CDKAL1: variants seen among roughly 807,000 people sequenced by gnomAD.
CDKAL1 encodes threonylcarbamoyladenosine tRNA methylthiotransferase.
Under a neutral mutation model 68.2 loss-of-function variants are expected in CDKAL1, and 32 were observed. The ratio of observed to expected loss-of-function variants is 0.47; its 90% CI spans 0.35 to 0.63. The LOEUF is 0.63. CDKAL1 is among the 30% of genes least tolerant of loss of function. The pLI is 0.00. For missense variants in CDKAL1, 606 were observed against 696.7 expected, an observed-to-expected ratio of 0.87 and a Z score of 1.47; for synonymous variants, 234 against 244.3, an observed-to-expected ratio of 0.96 and a Z score of 0.39.
intron 9 of CDKAL1, among the ~76,000 whole-genome samples, chr6:20,944,454 C>T (rs1764138973): frequency 2.6e-5 from 4 of 152,232 alleles, no homozygotes; most frequent in Admixed American, 2.6e-4. Flanking sequence ...TCAAGTGATT[C>T]TCCTGCCTCA....
chr6:20,724,089 C>T (rs143081873), intron 5 of CDKAL1, among the ~76,000 whole-genome samples: 32 of 152,266 alleles, frequency 2.1e-4, no homozygotes, highest in African/African-American at 7.7e-4. Flanking sequence ...TGTGCCACCA[C>T]ACCTGGATAC....
intron 13 of CDKAL1, among the ~76,000 whole-genome samples, chr6:21,118,582 A>G (rs1207323915): frequency 1.3e-5 from 2 of 152,244 alleles, no homozygotes; most frequent in Non-Finnish European, 2.9e-5. Context: ...TTTAGAAGAC[A>G]TGATTACAGT....
intron 8 of CDKAL1, among the ~76,000 whole-genome samples, chr6:20,812,860 C>A (rs1006131307): frequency 3.3e-5 from 5 of 152,154 alleles, no homozygotes; most frequent in African/African-American, 9.6e-5. Context: ...ATTTGTGAAT[C>A]TTTCTGTGGA....
chr6:20,802,315 C>CAACAATAAT (rs1554123488), intron 8 of CDKAL1, among the ~76,000 whole-genome samples: 9 of 115,502 alleles, frequency 7.8e-5, no homozygotes, highest in South Asian at 2.8e-4. Flanking sequence ...ACAACAACAA[C>CAACAATAAT]AATAATAATA....
At chr6:20,738,970 A>C (rs1448547497) in intron 5 of CDKAL1, among the ~76,000 whole-genome samples, 2 of 152,232 alleles carry the variant, frequency 1.3e-5, no homozygotes, top group Non-Finnish European at 2.9e-5. Context: ...TGTGTCTGGA[A>C]GTAAGCATAT....
chr6:20,749,540 C>CT (rs113735701), intron 6 of CDKAL1, among the ~76,000 whole-genome samples: 1 of 151,428 alleles, frequency 6.6e-6, no homozygotes, highest in South Asian at 2.1e-4. Flanking sequence ...CCCAGATTTT[C>CT]TTTTTTTTCT....
intron 9 of CDKAL1, among the ~76,000 whole-genome samples, chr6:20,943,928 A>T (rs1008766419): frequency 6.6e-6 from 1 of 152,208 alleles, no homozygotes; most frequent in African/African-American, 2.4e-5. Flanking sequence ...CTCCAAATAT[A>T]TAAATAAATA....
chr6:21,098,534 CTTTTTTTTTTTTTT>C (rs34764667), intron 12 of CDKAL1, among the ~76,000 whole-genome samples: 1 of 80,964 alleles, frequency 1.2e-5, no homozygotes, highest in East Asian at 4.3e-4. Flanking sequence ...GGGTACACAG[CTTTTTTTTTTTTTT>C]TTTTTTTTTT....
intron 5 of CDKAL1, among the ~76,000 whole-genome samples, chr6:20,659,956 T>C (rs149509351): frequency 3.3e-5 from 5 of 152,268 alleles, no homozygotes; most frequent in African/African-American, 1.2e-4. Flanking sequence ...CATTAGAAAG[T>C]TTCCCAAGCA....
At chr6:21,050,026 G>A (rs59004130) in intron 11 of CDKAL1, among the ~76,000 whole-genome samples, 31,214 of 151,838 alleles carry the variant, frequency 0.21, 3,387 homozygotes, top group African/African-American at 0.25. Context: ...TCATACATTT[G>A]CCTAGTTTAC....
chr6:20,706,810 A>G (rs1338019177), intron 5 of CDKAL1, among the ~76,000 whole-genome samples: 1 of 152,136 alleles, frequency 6.6e-6, no homozygotes, highest in Non-Finnish European at 1.5e-5. Flanking sequence ...TAACTTGCAT[A>G]AGTCCTGTGC....
chr6:20,576,180 A>T (rs909106774), intron 4 of CDKAL1, among the ~76,000 whole-genome samples: 1 of 152,240 alleles, frequency 6.6e-6, no homozygotes, highest in South Asian at 2.1e-4. Context: ...AAGAATAAAT[A>T]GCTGAGTTAT....
intron 12 of CDKAL1, among the ~76,000 whole-genome samples, chr6:21,069,074 A>AT (rs982887266): frequency 8.5e-5 from 13 of 152,208 alleles, no homozygotes; most frequent in Non-Finnish European, 1.6e-4. Flanking sequence ...TCTGTAGGGT[A>AT]TTTTTTTAGA....
At chr6:20,674,666 A>G (rs1770006037) in intron 5 of CDKAL1, among the ~76,000 whole-genome samples, 1 of 152,192 alleles carries the variant, frequency 6.6e-6, no homozygotes, top group South Asian at 2.1e-4. Context: ...ACTGTGCTGT[A>G]GAACACTAGA....
chr6:20,871,941 A>G (rs1357952530), intron 9 of CDKAL1, among the ~76,000 whole-genome samples: 1 of 152,160 alleles, frequency 6.6e-6, no homozygotes, highest in Non-Finnish European at 1.5e-5. Context: ...TTAAGAACAC[A>G]ATAGGCTTGG....
intron 9 of CDKAL1, among the ~76,000 whole-genome samples, chr6:20,904,107 G>A (rs1762128782): frequency 6.6e-6 from 1 of 152,180 alleles, no homozygotes; most frequent in South Asian, 2.1e-4. Flanking sequence ...TCCAGATATT[G>A]GAGATGTGGG....
At chr6:20,984,312 A>G (rs1213196083) in intron 10 of CDKAL1, among the ~76,000 whole-genome samples, 1 of 152,076 alleles carries the variant, frequency 6.6e-6, no homozygotes, top group East Asian at 1.9e-4. Flanking sequence ...TCCACAGCTC[A>G]TGGGTGGGGG....
intron 11 of CDKAL1, among the ~76,000 whole-genome samples, chr6:21,053,279 C>T (rs1345877967): frequency 1.3e-5 from 2 of 152,184 alleles, no homozygotes; most frequent in Admixed American, 6.5e-5. Context: ...CAGATTGGTT[C>T]ATGTTGGTGC....
intron 13 of CDKAL1, among the ~76,000 whole-genome samples, chr6:21,139,765 C>T (rs975052336): frequency 5.9e-5 from 9 of 152,176 alleles, no homozygotes; most frequent in Admixed American, 2.6e-4. Flanking sequence ...GCCTCAGCCC[C>T]GCAAAGTGCT....
Sources: allele counts gnomAD v4.1 joint callset (sites outside exome capture counted in the v4.1 genomes callset), GRCh38; gene constraint gnomAD v4.1.1; transcripts MANE v1.5; gene names NCBI Gene and HGNC (gene_info 2026-07-23, HGNC 2026-07-21).